WDR43: variants seen among roughly 807,000 people sequenced by gnomAD.
WDR43 encodes WD repeat-containing protein 43.
Under a neutral mutation model 91.4 loss-of-function variants are expected in WDR43, and 13 were observed. The ratio of observed to expected loss-of-function variants is 0.14; its 90% CI spans 0.09 to 0.23. WDR43 has a LOEUF of 0.23. Among genes scored for constraint, WDR43 ranks in the 10% least tolerant of loss-of-function variants. The pLI, the probability that WDR43 is intolerant of heterozygous loss-of-function variation, is 1.00. For synonymous variants in WDR43, 331 were observed against 287.9 expected, an observed-to-expected ratio of 1.15 and a Z score of -1.51; for missense variants, 780 against 809.4, an observed-to-expected ratio of 0.96 and a Z score of 0.44.
Position 28,946,792 on chromosome 2 carries a change from A to G in WDR43, c.*13A>G, listed in dbSNP as rs1189045868. The G allele has an allele frequency of 3.8e-6, 6 of 1,563,024 alleles. No individual in the cohort carries two copies. The highest frequency in any genetic ancestry group is 3.8e-5 in the Admixed American group (2 of 52,432). On this transcript the variant is annotated 3_prime_UTR_variant, in exon 18 of 18. Transcript: ENST00000407426. ...TGAAGAAGAATGAAGACAGCAAAGC[A>G]AGCCGGTCAAACTATATAAACTCTG...
intron 14 of WDR43, among the ~76,000 whole-genome samples, chr2:28,938,371 A>G (rs910550111): frequency 1.3e-5 from 2 of 152,058 alleles, no homozygotes; most frequent in African/African-American, 4.8e-5. Flanking sequence ...TCCCAGGAGG[A>G]TAAAATGTAG....
chr2:28,945,692 C>T (rs1183665289), intron 16 of WDR43, among the ~76,000 whole-genome samples: 1 of 152,206 alleles, frequency 6.6e-6, no homozygotes, highest in African/African-American at 2.4e-5. Flanking sequence ...TGCCTGTTAT[C>T]AGTTTTTTCC....
At position 28,913,596 on chromosome 2, in the gene WDR43, CTG is replaced by C. The variant is rs1315411400; in HGVS notation, c.607-470_607-469del. 13 of 507,934 alleles carry C rather than the reference CTG, an allele frequency of 2.6e-5. No individual in the cohort carries two copies. In the East Asian group the frequency reaches 2.8e-4, roughly 11 times the overall value. The allele number at this position is 507,934 out of a possible 1,614,324, so 31.5% of individuals were successfully genotyped here. On this transcript the variant is annotated intron_variant, in intron 4 of 17. Coordinates refer to ENST00000407426, the MANE Select transcript of WDR43 (RefSeq NM_015131.3). ...CATTTAGTCCACTTACTGTATTTGA[CTG>C]TGGAGATTTAGTATTATATTTTTGG...
At chr2:28,913,694 T>G (rs1468957514) in intron 4 of WDR43, 1 of 524,174 alleles carries the variant, frequency 1.9e-6, no homozygotes, top group East Asian at 5.4e-5. Context: ...TATTGTGGTT[T>G]CGACTCACTG....
chr2:28,931,871 G>GC (rs1426688521), intron 11 of WDR43, among the ~76,000 whole-genome samples: 1 of 132,100 alleles, frequency 7.6e-6, no homozygotes, highest in African/African-American at 2.9e-5. Flanking sequence ...CCTTCCCCCC[G>GC]CCCTTTTTTT....
chr2:28,927,891 G>T (rs1558379270), intron 10 of WDR43, 191 bp downstream of exon 10: 1 of 850,736 alleles, frequency 1.2e-6, no homozygotes, highest in East Asian at 3.0e-5. Flanking sequence ...TAACAGAGAA[G>T]ATGGAACCTT....
intron 16 of WDR43, among the ~76,000 whole-genome samples, chr2:28,945,649 C>G (rs565147287): frequency 3.4e-4 from 52 of 152,166 alleles, no homozygotes; most frequent in Non-Finnish European, 5.4e-4. Context: ...CAATGCTGAT[C>G]GTTCATATTG....
intron 2 of WDR43, among the ~76,000 whole-genome samples, chr2:28,903,812 A>AT (rs1189785052): frequency 3.3e-5 from 5 of 151,080 alleles, no homozygotes; most frequent in South Asian, 2.1e-4. Context: ...TAGAAGACTT[A>AT]TTTTTTTTTA....
At chr2:28,915,396 G>T (rs757928790) in intron 5 of WDR43, among the ~76,000 whole-genome samples, 2 of 152,108 alleles carry the variant, frequency 1.3e-5, no homozygotes, top group Non-Finnish European at 2.9e-5. Flanking sequence ...TACTACCAGG[G>T]TCCCCTGGCA....
At chr2:28,907,570 G>A (rs1670706387) in intron 3 of WDR43, among the ~76,000 whole-genome samples, 2 of 151,538 alleles carry the variant, frequency 1.3e-5, no homozygotes, top group South Asian at 4.2e-4. Context: ...CCATGATTGT[G>A]CCACTGCACT....
At chr2:28,943,088 T>G (rs150956981) in intron 16 of WDR43, among the ~76,000 whole-genome samples, 77 of 152,342 alleles carry the variant, frequency 5.1e-4, no homozygotes, top group African/African-American at 1.8e-3. Context: ...TCACAAGATA[T>G]GCCCAGATAT....
Position 28,946,800 on chromosome 2 carries a change from C to A in WDR43, c.*21C>A. 2 of 1,556,900 alleles carry A rather than the reference C, an allele frequency of 1.3e-6. No individual in the cohort carries two copies. Among genetic ancestry groups the A allele is most frequent in the South Asian group, 2.4e-5 (2 of 83,184 alleles). ...AATGAAGACAGCAAAGCAAGCCGGTCAAACTATATAAACTCTGGCTCACCT... is the reference window on the plus strand; with the variant it reads ...AATGAAGACAGCAAAGCAAGCCGGTAAAACTATATAAACTCTGGCTCACCT... On this transcript the variant is annotated 3_prime_UTR_variant, in exon 18 of 18. Coordinates refer to ENST00000407426, the MANE Select transcript of WDR43 (RefSeq NM_015131.3).
chr2:28,929,771 A>G, intron 11 of WDR43, 61 bp downstream of exon 11: 2 of 1,518,046 alleles, frequency 1.3e-6, no homozygotes, highest in Non-Finnish European at 1.8e-6. Flanking sequence ...AAAATGATTG[A>G]CATAGCACAT....
chr2:28,904,148 A>G (rs1269532077), intron 2 of WDR43, among the ~76,000 whole-genome samples: 1 of 152,132 alleles, frequency 6.6e-6, no homozygotes, highest in Non-Finnish European at 1.5e-5. Context: ...AAGATTGTAA[A>G]TACATCTTCG....
At chr2:28,926,896 C>T (rs1303531508) in intron 9 of WDR43, among the ~76,000 whole-genome samples, 2 of 152,164 alleles carry the variant, frequency 1.3e-5, no homozygotes, top group Non-Finnish European at 2.9e-5. Context: ...AAGAGCATTA[C>T]TTTGCTGAGA....
At chr2:28,910,205 A>T (rs1352748340) in intron 3 of WDR43, among the ~76,000 whole-genome samples, 1 of 152,176 alleles carries the variant, frequency 6.6e-6, no homozygotes, top group Non-Finnish European at 1.5e-5. Context: ...GGAGGATAGA[A>T]GGTATTATTA....
At chr2:28,913,079 G>A (rs1171706780) in intron 4 of WDR43, among the ~76,000 whole-genome samples, 1 of 148,882 alleles carries the variant, frequency 6.7e-6, no homozygotes, top group Non-Finnish European at 1.5e-5. Flanking sequence ...TCAGCCTCCC[G>A]AGTAGCTGGG....
intron 3 of WDR43, among the ~76,000 whole-genome samples, chr2:28,908,721 C>T (rs1050625947): frequency 6.6e-6 from 1 of 152,200 alleles, no homozygotes; most frequent in Admixed American, 6.5e-5. Flanking sequence ...CGTTAGCATT[C>T]TTACGCTGCC....
At chr2:28,902,315 T>G (rs921874646) in intron 2 of WDR43, among the ~76,000 whole-genome samples, 191 bp downstream of exon 2, 3 of 152,198 alleles carry the variant, frequency 2.0e-5, no homozygotes, top group African/African-American at 7.2e-5. Flanking sequence ...CAGTCCTTAT[T>G]ATGGGTCAGA....
Sources: allele counts gnomAD v4.1 joint callset (sites outside exome capture counted in the v4.1 genomes callset), GRCh38; gene constraint gnomAD v4.1.1; transcripts MANE v1.5; gene names NCBI Gene and HGNC (gene_info 2026-07-23, HGNC 2026-07-21).